AFF1: variants seen among roughly 807,000 people sequenced by gnomAD.
AFF1 encodes the protein AF4/FMR2 family member 1.
In AFF1, 48 loss-of-function variants were observed where a neutral mutation model predicts 121.7. The ratio of observed to expected loss-of-function variants is 0.39; its 90% CI spans 0.31 to 0.50. The LOEUF (loss-of-function observed/expected upper bound fraction) is 0.50. Ranked by LOEUF, AFF1 falls within the 20% of genes least tolerant of loss-of-function variation. AFF1 has a pLI of 0.76. For missense variants in AFF1, 1,523 were observed against 1,511.7 expected (o/e 1.01, Z -0.12); for synonymous variants, 613 against 563.0 (o/e 1.09, Z -1.26).
At chr4:87,016,197 G>A (rs570475547) in intron 2 of AFF1, among the ~76,000 whole-genome samples, 1 of 152,100 alleles carries the variant, frequency 6.6e-6, no homozygotes, top group African/African-American at 2.4e-5. Context: ...CCTTTTGTGG[G>A]GAAAGAGGGA....
chr4:86,940,036 T>C (rs1213238172), intron 1 of AFF1, among the ~76,000 whole-genome samples: 1 of 152,218 alleles, frequency 6.6e-6, no homozygotes, highest in Non-Finnish European at 1.5e-5. Context: ...CTATGAAGGC[T>C]GAGCGAGCAC....
intron 18 of AFF1, 46 bp from the exon 19 acceptor site, chr4:87,132,225 G>A: frequency 1.3e-6 from 2 of 1,588,608 alleles, no homozygotes; most frequent in South Asian, 2.3e-5. Flanking sequence ...CTGCTTTTCT[G>A]TAGTATGATA....
chr4:86,975,642 A>G (rs1298300210), intron 2 of AFF1, among the ~76,000 whole-genome samples: 1 of 152,236 alleles, frequency 6.6e-6, no homozygotes, highest in African/African-American at 2.4e-5. Flanking sequence ...ACTCATTAAG[A>G]CAGCCTTTTT....
intron 2 of AFF1, among the ~76,000 whole-genome samples, chr4:87,006,785 C>G (rs180749908): frequency 0.013 from 2,000 of 152,326 alleles, 46 homozygotes; most frequent in African/African-American, 0.045. Context: ...CTCGAGGAGC[C>G]CGCAGGCGGG....
intron 2 of AFF1, among the ~76,000 whole-genome samples, chr4:86,979,355 T>C (rs1002913934): frequency 4.6e-5 from 7 of 152,280 alleles, no homozygotes; most frequent in African/African-American, 1.7e-4. Flanking sequence ...CGCCTCGGCC[T>C]CCCAAAGTGC....
chr4:87,000,239 C>G (rs1054832321), intron 2 of AFF1, among the ~76,000 whole-genome samples: 2 of 152,190 alleles, frequency 1.3e-5, no homozygotes, highest in African/African-American at 2.4e-5. Flanking sequence ...CTGCTTCATT[C>G]TCTCCCTCCT....
intron 5 of AFF1, 31 bp from the exon 6 acceptor site, chr4:87,089,947 AATTTAC>A (rs771499755): frequency 1.4e-6 from 2 of 1,479,476 alleles, no homozygotes; most frequent in Non-Finnish European, 1.9e-6. Flanking sequence ...TTCTATTTAT[AATTTAC>A]TTTTTCTTCC....
In AFF1 at chr4:87,125,122, A is replaced by G. The variant is rs138303532; in HGVS notation, c.2552A>G (p.His851Arg). 2 of 1,610,382 alleles carry G rather than the reference A, an allele frequency of 1.2e-6. No individual in the cohort carries two copies. The highest frequency in any genetic ancestry group is 4.5e-5 in the East Asian group (2 of 44,850). Residue 851 changes from histidine to arginine, a missense_variant, in exon 13 of 21, where the codon CAC becomes CGC. Physicochemically the swap from His to Arg is conservative, Grantham distance 29 (BLOSUM62 0). This residue lies in a region of AFF1 where 905 missense variants were observed against 842.5 expected (regional missense o/e 1.07). Transcript: ENST00000395146. Reference sequence around the variant, plus strand: ...CAGTCATCTTCATCTTCATCCTCCCACAAAGAATCTTCTAAAACAAAGTGA... The same window carrying G: ...CAGTCATCTTCATCTTCATCCTCCCGCAAAGAATCTTCTAAAACAAAGTGA... Reference protein sequence around the residue: ...KSQSSSSSSSHKESSKTKPSR... With the variant: ...KSQSSSSSSSRKESSKTKPSR...
intron 4 of AFF1, among the ~76,000 whole-genome samples, chr4:87,071,252 T>C (rs1426969480): frequency 2.0e-5 from 3 of 152,020 alleles, no homozygotes; most frequent in Non-Finnish European, 4.4e-5. Context: ...CACAAGAAGC[T>C]TTTGGTAAAT....
intron 2 of AFF1, among the ~76,000 whole-genome samples, chr4:86,953,267 A>G (rs1167425243): frequency 6.6e-6 from 1 of 152,108 alleles, no homozygotes; most frequent in Non-Finnish European, 1.5e-5. Context: ...TTTAATACAC[A>G]CCAGTAGCTC....
At position 86,948,542 on chromosome 4, in the gene AFF1, T is replaced by C. The variant is rs375851038; in HGVS notation, c.9T>C (p.Phe3=). MA[F]TERVNSSGNS... is the part of the protein sequence containing the mutation. ...TGCATTGACTGGAAACAATGGCATT[T>C]ACAGAAAGAGTCAACAGCAGTGGCA... The change falls in exon 2 of 21, where the codon TTT becomes TTC. Residue 3 remains phenylalanine, a synonymous_variant. Transcript: ENST00000395146. 9 of 1,536,880 alleles carry C rather than the reference T, an allele frequency of 5.9e-6. No individual in the cohort carries two copies. Among genetic ancestry groups the C allele is most frequent in the South Asian group, 1.2e-5 (1 of 84,062 alleles).
At chr4:86,948,888 ATGTTCAGCC>A (rs1364776268) in intron 2 of AFF1, among the ~76,000 whole-genome samples, 1 of 152,108 alleles carries the variant, frequency 6.6e-6, no homozygotes, top group Non-Finnish European at 1.5e-5. Context: ...AAGCATACAC[ATGTTCAGCC>A]TGTGCTTGAA....
At chr4:87,078,464 T>C (rs1239793369) in intron 4 of AFF1, among the ~76,000 whole-genome samples, 1 of 152,162 alleles carries the variant, frequency 6.6e-6, no homozygotes, top group Non-Finnish European at 1.5e-5. Flanking sequence ...GAACATATTA[T>C]CTAGAGGGAG....
chr4:86,985,110 A>G (rs1724100866), intron 2 of AFF1, among the ~76,000 whole-genome samples: 1 of 142,956 alleles, frequency 7.0e-6, no homozygotes, highest in African/African-American at 2.6e-5. Context: ...TATAAATACA[A>G]ATATTAATAG....
At chr4:86,995,165 C>G (rs1281346663) in intron 2 of AFF1, among the ~76,000 whole-genome samples, 1 of 152,046 alleles carries the variant, frequency 6.6e-6, no homozygotes. Flanking sequence ...CCCTGGAGAC[C>G]GAGGCTGCAG....
At position 87,114,559 on chromosome 4, in the gene AFF1, A is replaced by G; in HGVS notation, c.1726A>G (p.Lys576Glu). The G allele has an allele frequency of 6.2e-7, 1 of 1,608,128 alleles. No homozygotes were observed. ...AGATCCTCCCCCTAAAAGCTCCAGC[A>G]AAGCCCCCCGGGCCCCACCCGAAGC... ...SKDPPPKSSS[K>E]APRAPPEAPH... Residue 576 changes from lysine (K) to glutamate (E), a missense_variant, in exon 12 of 21, where the codon AAA (lysine) becomes GAA (glutamate). Coordinates refer to ENST00000395146, the MANE Select transcript of AFF1 (RefSeq NM_001166693.3).
chr4:87,008,133 G>C lies in AFF1; in HGVS notation c.39-38033G>C, dbSNP rs1229990893. ...ATTATTATGAGATCCAAACTGTTCT[G>C]TGCGATTTTATTTTAGTTTTGACAG... On this transcript the variant is annotated intron_variant, in intron 2 of 20. Transcript: ENST00000395146. 2.6e-5 allele frequency among the ~76,000 whole-genome samples: 4 copies of C among 152,310 alleles called. No homozygotes were observed. The East Asian group carries it at 7.7e-4, about 29-fold the overall frequency.
intron 4 of AFF1, among the ~76,000 whole-genome samples, chr4:87,065,205 G>A (rs1721216006): frequency 6.6e-6 from 1 of 152,198 alleles, no homozygotes; most frequent in African/African-American, 2.4e-5. Flanking sequence ...ACAGTCATGC[G>A]GAAGGCAAGG....
At chr4:86,965,527 T>C (rs757741174) in intron 2 of AFF1, among the ~76,000 whole-genome samples, 2 of 152,208 alleles carry the variant, frequency 1.3e-5, no homozygotes, top group Non-Finnish European at 2.9e-5. Flanking sequence ...GCATTCTAAG[T>C]CTATATCTAG....
Sources: allele counts gnomAD v4.1 joint callset (sites outside exome capture counted in the v4.1 genomes callset), GRCh38; gene constraint gnomAD v4.1.1; regional missense constraint gnomAD v4.1.1; transcripts MANE v1.5; gene names NCBI Gene and HGNC (gene_info 2026-07-23, HGNC 2026-07-21).